FAM89A: variants seen among roughly 807,000 people sequenced by gnomAD.
The protein encoded by FAM89A is protein FAM89A.
Under a neutral mutation model 7.1 loss-of-function variants are expected in FAM89A, and 10 were observed. The observed-to-expected ratio is 1.40, with a 90% CI of 0.86 to 2.38. The LOEUF is 2.38. FAM89A is among the 30% of genes most tolerant of loss of function. FAM89A has a pLI of 0.00. For missense variants in FAM89A, 276 were observed against 262.8 expected (o/e 1.05, Z -0.35); for synonymous variants, 157 against 129.3 (o/e 1.21, Z -1.45).
Position 231,040,044 on chromosome 1 carries a change from C to T in FAM89A, c.168G>A (p.Gln56=). The change falls in exon 1 of 2, where the codon CAG becomes CAA. Residue 56 remains glutamine (Q), a synonymous_variant. Coordinates refer to ENST00000366654, the MANE Select transcript of FAM89A (RefSeq NM_198552.3). ...GWRHLERLYA[Q]KSRIQDELSR... ...TCAGCTCGTCCTGGATGCGCGACTT[C>T]TGCGCGTACAGCCGCTCCAGGTGCC... is the stretch of plus-strand genomic sequence containing the variant. 1.4e-6 allele frequency: 2 copies of T among 1,448,442 alleles called. No individual in the cohort carries two copies. The highest frequency in any genetic ancestry group is 6.1e-5 in the East Asian group (2 of 32,738). The allele number at this position is 1,448,442 out of a possible 1,614,324, so 89.7% of individuals were successfully genotyped here. A position where few individuals can be genotyped will look rare whatever the true frequency, so the allele number is the denominator to read the frequency against.
intron 1 of FAM89A, among the ~76,000 whole-genome samples, chr1:231,032,964 GC>G (rs1272645500): frequency 6.6e-6 from 1 of 152,236 alleles, no homozygotes; most frequent in Non-Finnish European, 1.5e-5. Flanking sequence ...GGCTGTCGGG[GC>G]CAATCAAGGA....
At chr1:231,036,798 A>C (rs1251082932) in intron 1 of FAM89A, among the ~76,000 whole-genome samples, 1 of 152,182 alleles carries the variant, frequency 6.6e-6, no homozygotes, top group African/African-American at 2.4e-5. Flanking sequence ...CCAGCTCCAC[A>C]TTCTGAAATG....
At chr1:231,024,818 G>A (rs1416961812) in intron 1 of FAM89A, among the ~76,000 whole-genome samples, 1 of 151,642 alleles carries the variant, frequency 6.6e-6, no homozygotes, top group African/African-American at 2.4e-5. Flanking sequence ...TATTACAGGT[G>A]TGAGCCACTG....
At chr1:231,034,772 CAAA>C (rs60902378) in intron 1 of FAM89A, among the ~76,000 whole-genome samples, 7 of 70,852 alleles carry the variant, frequency 9.9e-5, no homozygotes, top group African/African-American at 3.2e-4. Context: ...AACTCTGTCT[CAAA>C]AAAAAAAAAA....
At chr1:231,023,691 G>C (rs1293158776) in intron 1 of FAM89A, among the ~76,000 whole-genome samples, 2 of 152,152 alleles carry the variant, frequency 1.3e-5, no homozygotes, top group African/African-American at 4.8e-5. Context: ...TAACTGTTTG[G>C]CTCACTTCCA....
chr1:231,021,753 A>G, intron 1 of FAM89A: 2 of 1,602,464 alleles, frequency 1.2e-6, no homozygotes, highest in South Asian at 2.2e-5. Context: ...GAAATTGTTG[A>G]CCTCACTTGT....
At chr1:231,037,363 G>C (rs1489378240) in intron 1 of FAM89A, among the ~76,000 whole-genome samples, 1 of 152,076 alleles carries the variant, frequency 6.6e-6, no homozygotes, top group Non-Finnish European at 1.5e-5. Flanking sequence ...TTTTTTGCTT[G>C]GCTACATTTT....
intron 1 of FAM89A, among the ~76,000 whole-genome samples, chr1:231,020,997 T>C (rs4304564): frequency 0.33 from 50,060 of 151,982 alleles, 8,504 homozygotes; most frequent in Admixed American, 0.42. Context: ...CCAGCATCGG[T>C]GCCTCTTAAC....
At chr1:231,030,545 A>C (rs1304515298) in intron 1 of FAM89A, among the ~76,000 whole-genome samples, 1 of 152,222 alleles carries the variant, frequency 6.6e-6, no homozygotes, top group Non-Finnish European at 1.5e-5. Context: ...AGATGAAGAA[A>C]AGCAATTGAC....
At chr1:231,020,229 C>G in intron 1 of FAM89A, 103 bp from the exon 2 acceptor site, 1 of 1,188,376 alleles carries the variant, frequency 8.4e-7, no homozygotes, top group South Asian at 1.6e-5. Context: ...CACATTCCTT[C>G]CACACGGCGC....
At chr1:231,029,215 T>G (rs1423036060) in intron 1 of FAM89A, among the ~76,000 whole-genome samples, 1 of 152,240 alleles carries the variant, frequency 6.6e-6, no homozygotes, top group Non-Finnish European at 1.5e-5. Flanking sequence ...ATTTGCAGAT[T>G]ACAGGCTCAC....
intron 1 of FAM89A, among the ~76,000 whole-genome samples, chr1:231,039,467 T>C (rs1680217597): frequency 6.6e-6 from 1 of 152,192 alleles, no homozygotes; most frequent in Non-Finnish European, 1.5e-5. Flanking sequence ...CAATCTGCTG[T>C]CTACACTGGC....
At position 231,020,130 on chromosome 1, in the gene FAM89A, G is replaced by C; in HGVS notation, c.292-4C>G. The C allele has an allele frequency of 6.2e-7, 1 of 1,600,350 alleles. No individual in the cohort carries two copies. The highest frequency in any genetic ancestry group is 8.5e-7 in the Non-Finnish European group (1 of 1,170,462). On this transcript the variant is annotated splice_polypyrimidine_tract_variant and splice_region_variant and intron_variant, in intron 1 of 1. Coordinates refer to ENST00000366654, the MANE Select transcript of FAM89A (RefSeq NM_198552.3). Reference sequence around the variant, plus strand: ...TGTCCAGCTGGCGGAGACCAACCTTGAGGGAAGGGGTGGGGAGGTAAAAAA... The same window carrying C: ...TGTCCAGCTGGCGGAGACCAACCTTCAGGGAAGGGGTGGGGAGGTAAAAAA...
At chr1:231,031,341 C>T (rs1187720590) in intron 1 of FAM89A, among the ~76,000 whole-genome samples, 1 of 152,080 alleles carries the variant, frequency 6.6e-6, no homozygotes, top group Non-Finnish European at 1.5e-5. Flanking sequence ...TTTGCTACCG[C>T]CCTTTAGTTG....
In FAM89A at chr1:231,023,079, C is replaced by A. The variant is rs566108451; in HGVS notation, c.292-2953G>T. Among the ~76,000 whole-genome samples the A allele has an allele frequency of 2.0e-5, 3 of 152,318 alleles. No homozygotes were observed. In the East Asian group the frequency reaches 5.8e-4, roughly 29 times the overall value. ...CAGTTCCCACTGCCTAACATCTGCCCCCCGTGTAGATACTGAGAGGTGGTG... is the reference window on the plus strand; with the variant it reads ...CAGTTCCCACTGCCTAACATCTGCCACCCGTGTAGATACTGAGAGGTGGTG... On this transcript the variant is annotated intron_variant, in intron 1 of 1. Coordinates refer to ENST00000366654, the MANE Select transcript of FAM89A (RefSeq NM_198552.3).
intron 1 of FAM89A, among the ~76,000 whole-genome samples, chr1:231,022,468 C>A (rs1343897884): frequency 6.6e-6 from 1 of 152,164 alleles, no homozygotes; most frequent in Non-Finnish European, 1.5e-5. Context: ...GTTGCAGAAC[C>A]TGCACATTTG....
chr1:231,020,214 G>C, intron 1 of FAM89A, 88 bp from the exon 2 acceptor site: 1 of 1,333,360 alleles, frequency 7.5e-7, no homozygotes, highest in South Asian at 1.5e-5. Flanking sequence ...ATCTGCGCCT[G>C]CCAGCACATT....
chr1:231,021,560 G>C, intron 1 of FAM89A: 1 of 1,082,348 alleles, frequency 9.2e-7, no homozygotes, highest in South Asian at 1.3e-5. Context: ...GCAAACCTTG[G>C]TATAGATCAC....
chr1:231,039,312 A>C (rs960934103), intron 1 of FAM89A, among the ~76,000 whole-genome samples: 2 of 152,192 alleles, frequency 1.3e-5, no homozygotes, highest in Admixed American at 1.3e-4. Context: ...TTGGGCAATC[A>C]GCTTCGCGGG....
Sources: gnomAD v4.1 joint callset for allele counts (sites outside exome capture counted in the v4.1 genomes callset) on GRCh38, gnomAD v4.1.1 for gene constraint, MANE v1.5 for transcripts, NCBI Gene and HGNC (gene_info 2026-07-23, HGNC 2026-07-21) for gene names.